Variants in ANKRD13C observed in about 807,000 individuals in gnomAD.
The protein encoded by ANKRD13C is ankyrin repeat domain-containing protein 13C.
In ANKRD13C, 16 loss-of-function variants were observed where a neutral mutation model predicts 65.5. That is an observed-to-expected ratio of 0.24 (90% CI 0.17 to 0.37). The LOEUF is 0.37. Ranked by LOEUF, ANKRD13C falls within the 10% of genes least tolerant of loss-of-function variation. ANKRD13C has a pLI of 1.00. For synonymous variants in ANKRD13C, 235 were observed against 238.7 expected (o/e 0.98, Z 0.14); for missense variants, 503 against 655.9 (o/e 0.77, Z 2.55).
At chr1:70,319,275 G>A (rs889002550) in intron 3 of ANKRD13C, among the ~76,000 whole-genome samples, 1 of 151,938 alleles carries the variant, frequency 6.6e-6, no homozygotes, top group Admixed American at 6.6e-5. Flanking sequence ...CCCAACACTG[G>A]TCTTTGCCCC....
chr1:70,351,977 C>A (rs1025103396), intron 1 of ANKRD13C, among the ~76,000 whole-genome samples: 1 of 151,936 alleles, frequency 6.6e-6, no homozygotes, highest in Non-Finnish European at 1.5e-5. Context: ...TGTGAACCAC[C>A]GGTTACATTA....
At chr1:70,352,459 G>T (rs539070236) in intron 1 of ANKRD13C, among the ~76,000 whole-genome samples, 2 of 151,468 alleles carry the variant, frequency 1.3e-5, no homozygotes, top group African/African-American at 4.8e-5. Flanking sequence ...ACTCCTAAAT[G>T]TTGGGTTGAA....
intron 12 of ANKRD13C, among the ~76,000 whole-genome samples, chr1:70,268,402 TC>T (rs1558258730): frequency 1.3e-5 from 2 of 152,158 alleles, no homozygotes; most frequent in East Asian, 3.9e-4. Context: ...CCTCAAGTGA[TC>T]CACCTGCCTT....
chr1:70,335,569 G>T lies in ANKRD13C; in HGVS notation c.472+489C>A, dbSNP rs142256045. The stretch of plus-strand genomic sequence containing the variant: ...ACTTAGGAATAACCTACAAAAGTAG[G>T]TATCTTTTAAATCACCTGCCTATAA... On this transcript the variant is annotated intron_variant, in intron 2 of 12. Transcript: ENST00000370944. Among the ~76,000 whole-genome samples, 247 of 151,670 alleles carry T rather than the reference G, an allele frequency of 1.6e-3. 3 individuals are homozygous for T. Among genetic ancestry groups the T allele is most frequent in the East Asian group, 0.014 (71 of 5,174 alleles).
intron 12 of ANKRD13C, among the ~76,000 whole-genome samples, chr1:70,270,202 C>A (rs1490989161): frequency 6.6e-6 from 1 of 152,172 alleles, no homozygotes; most frequent in Non-Finnish European, 1.5e-5. Context: ...GAAAGCATAG[C>A]TGAAAATCTG....
At chr1:70,274,411 T>C (rs1679036012) in intron 11 of ANKRD13C, among the ~76,000 whole-genome samples, 1 of 144,880 alleles carries the variant, frequency 6.9e-6, no homozygotes, top group Non-Finnish European at 1.5e-5. Flanking sequence ...GAGGTGGAGG[T>C]TGTGGTGAGC....
chr1:70,268,646 A>C (rs1678738277), intron 12 of ANKRD13C, among the ~76,000 whole-genome samples: 1 of 152,142 alleles, frequency 6.6e-6, no homozygotes, highest in Admixed American at 6.6e-5. Flanking sequence ...CATTTCTGAT[A>C]TTCTCTTTTT....
At chr1:70,280,833 G>T (rs555892741) in intron 9 of ANKRD13C, among the ~76,000 whole-genome samples, 1 of 152,234 alleles carries the variant, frequency 6.6e-6, no homozygotes, top group South Asian at 2.1e-4. Context: ...GATTACTCTG[G>T]TGGCAGTGTA....
chr1:70,298,459 T>A (rs1345055508), intron 7 of ANKRD13C, among the ~76,000 whole-genome samples: 1 of 152,108 alleles, frequency 6.6e-6, no homozygotes, highest in Non-Finnish European at 1.5e-5. Flanking sequence ...TCCTGTATTG[T>A]AGGCATTATA....
At chr1:70,336,152 C>A (rs1443997800) in intron 1 of ANKRD13C, 53 bp from the exon 2 acceptor site, 4 of 496,926 alleles carry the variant, frequency 8.0e-6, no homozygotes, top group Non-Finnish European at 1.2e-5. Context: ...AACATAAGAA[C>A]ATTTACTTAA....
Position 70,270,741 on chromosome 1 carries a change from C to G in ANKRD13C, c.1495+115G>C, listed in dbSNP as rs1346706351. 5 of 663,848 alleles carry G rather than the reference C, an allele frequency of 7.5e-6. No homozygotes were observed. In the Admixed American group the frequency reaches 1.4e-4, roughly 19 times the overall value. 41.1% of individuals were successfully genotyped at this position (663,848 alleles called of 1,614,324 possible). A position where few individuals can be genotyped will look rare whatever the true frequency, so the allele number is the denominator to read the frequency against. On this transcript the variant is annotated intron_variant, in intron 12 of 12. Transcript: ENST00000370944. Reference sequence around the variant, plus strand: ...TGTGCACCCCACTCCTAAAAGGTCACGAACCAACAGAGGTGTTGGGGACCC... The same window carrying G: ...TGTGCACCCCACTCCTAAAAGGTCAGGAACCAACAGAGGTGTTGGGGACCC...
intron 5 of ANKRD13C, among the ~76,000 whole-genome samples, 159 bp from the exon 6 acceptor site, chr1:70,306,449 G>C (rs1349699491): frequency 6.6e-6 from 1 of 151,582 alleles, no homozygotes. Flanking sequence ...AATTTAAAAG[G>C]CAATTTTGAG....
intron 1 of ANKRD13C, among the ~76,000 whole-genome samples, chr1:70,353,365 A>C (rs1258043897): frequency 6.6e-6 from 1 of 152,198 alleles, no homozygotes; most frequent in Non-Finnish European, 1.5e-5. Flanking sequence ...ACAAGCAAAA[A>C]ATCAAATCTC....
intron 1 of ANKRD13C, among the ~76,000 whole-genome samples, chr1:70,337,773 C>T (rs528809146): frequency 6.6e-6 from 1 of 152,046 alleles, no homozygotes; most frequent in East Asian, 1.9e-4. Context: ...TCCATTGGTA[C>T]TTAGTACTTT....
intron 1 of ANKRD13C, among the ~76,000 whole-genome samples, chr1:70,350,749 T>A (rs1440953913): frequency 6.6e-6 from 1 of 152,266 alleles, no homozygotes; most frequent in African/African-American, 2.4e-5. Context: ...AAGAGGTTCA[T>A]GATATGCTTT....
rs752175115 is a variant in ANKRD13C, at chr1:70,354,430, G to A, written c.-22C>T. The A allele has an allele frequency of 2.0e-5, 32 of 1,600,328 alleles. No individual in the cohort carries two copies. The highest frequency in any genetic ancestry group is 1.8e-4 in the South Asian group (16 of 89,620). On this transcript the variant is annotated 5_prime_UTR_variant, in exon 1 of 13. Transcript: ENST00000370944. ...TCATCGCCGCCGCCAGGGGCAAGGGGGGGAATCGGGAGGCTCACCGCTGGC... is the reference window on the plus strand; with the variant it reads ...TCATCGCCGCCGCCAGGGGCAAGGGAGGGAATCGGGAGGCTCACCGCTGGC...
intron 5 of ANKRD13C, among the ~76,000 whole-genome samples, chr1:70,313,514 T>C (rs968323596): frequency 1.4e-5 from 2 of 143,842 alleles, no homozygotes; most frequent in Non-Finnish European, 3.0e-5. Flanking sequence ...TGGGCAACAG[T>C]GAGAACTTGT....
intron 5 of ANKRD13C, among the ~76,000 whole-genome samples, chr1:70,310,855 C>A (rs1680818061): frequency 6.6e-6 from 1 of 152,080 alleles, no homozygotes; most frequent in Admixed American, 6.6e-5. Flanking sequence ...AGGTTTTAGG[C>A]CAATCTAACT....
At chr1:70,279,326 T>C (rs1016123506) in intron 9 of ANKRD13C, among the ~76,000 whole-genome samples, 6 of 152,156 alleles carry the variant, frequency 3.9e-5, no homozygotes, top group Non-Finnish European at 7.3e-5. Context: ...GAGATAACTC[T>C]ATACTCTTAC....
Sources: allele counts gnomAD v4.1 joint callset (sites outside exome capture counted in the v4.1 genomes callset), GRCh38; gene constraint gnomAD v4.1.1; transcripts MANE v1.5; gene names NCBI Gene and HGNC (gene_info 2026-07-23, HGNC 2026-07-21).